Variants in MSANTD7 observed in about 807,000 individuals in gnomAD.
The protein encoded by MSANTD7 is zinc finger and SCAN domain containing 29.
the MSANTD7 span, chr10:14,846,950 T>C: frequency 1.0e-6 from 1 of 985,298 alleles, no homozygotes; most frequent in East Asian, 1.1e-4. Context: ...ACCTTTGTTT[T>C]TCTGTTCGGT....
chr10:14,845,596 T>C, the MSANTD7 span: 10 of 929,570 alleles, frequency 1.1e-5, no homozygotes, highest in Non-Finnish European at 1.2e-5. Context: ...TCTATTATTA[T>C]TATTTTTTTT....
chr10:14,846,155 T>G, the MSANTD7 span: 1 of 984,918 alleles, frequency 1.0e-6, no homozygotes, highest in Non-Finnish European at 1.2e-6. Context: ...TTTAAGGCAT[T>G]GAAATGGATA....
the MSANTD7 span, chr10:14,843,961 A>G: frequency 6.6e-7 from 1 of 1,514,878 alleles, no homozygotes; most frequent in Non-Finnish European, 8.8e-7. Context: ...TGCCTTCTGA[A>G]TCCCTGGCTC....
the MSANTD7 span, chr10:14,839,959 G>T: frequency 6.2e-7 from 1 of 1,612,026 alleles, no homozygotes. Context: ...TACTCCAGCT[G>T]TTGTTGCTTA....
At chr10:14,843,000 AG>A in the MSANTD7 span, among the ~76,000 whole-genome samples, 79 of 152,328 alleles carry the variant, frequency 5.2e-4, no homozygotes, top group African/African-American at 1.9e-3. This position sits in a 1 kb window ranked among gnomAD's most constrained non-coding sequence, Gnocchi z 5.2. Context: ...AGTAAGCTAA[AG>A]GGTTCCAGGT....
At chr10:14,844,015 T>C in the MSANTD7 span, 1 of 1,452,878 alleles carries the variant, frequency 6.9e-7, no homozygotes, top group Non-Finnish European at 9.0e-7. Flanking sequence ...ACCATTTATA[T>C]CCAGATAGTA....
the MSANTD7 span, chr10:14,840,145 TC>T: frequency 6.9e-7 from 1 of 1,446,798 alleles, no homozygotes. Context: ...GTAAAGCAGA[TC>T]CTGGGCAGAA....
chr10:14,840,410 AT>A, the MSANTD7 span, among the ~76,000 whole-genome samples: 11 of 152,228 alleles, frequency 7.2e-5, no homozygotes, highest in Admixed American at 2.0e-4. Context: ...AGAGGTGGTA[AT>A]TTGGATTGTT....
chr10:14,841,486 TC>T, the MSANTD7 span, among the ~76,000 whole-genome samples: 1 of 152,078 alleles, frequency 6.6e-6, no homozygotes, highest in Non-Finnish European at 1.5e-5. Flanking sequence ...TCACCACCTC[TC>T]CCCGTGGTTA....
At chr10:14,846,301 T>C in the MSANTD7 span, 1 of 985,372 alleles carries the variant, frequency 1.0e-6, no homozygotes, top group Non-Finnish European at 1.2e-6. Context: ...ATTCTATAAA[T>C]CTATTAATGG....
At chr10:14,844,679 C>A in the MSANTD7 span, 3 of 972,212 alleles carry the variant, frequency 3.1e-6, no homozygotes, top group Non-Finnish European at 3.7e-6. Context: ...CGGTTTATAT[C>A]GATAATCTTC....
the MSANTD7 span, chr10:14,843,395 A>T: frequency 6.4e-7 from 1 of 1,550,862 alleles, no homozygotes; most frequent in Non-Finnish European, 8.7e-7. Flanking sequence ...ACCCCCAGCT[A>T]CAGCAGCTCC....
chr10:14,841,907 G>A, the MSANTD7 span, among the ~76,000 whole-genome samples: 1 of 152,158 alleles, frequency 6.6e-6, no homozygotes, highest in Non-Finnish European at 1.5e-5. Context: ...GATTTTTACA[G>A]ATCCATTGTT....
chr10:14,842,569 G>A, the MSANTD7 span: 595 of 1,535,984 alleles, frequency 3.9e-4, 1 homozygote, highest in Middle Eastern at 1.5e-3. The surrounding 1 kb of genome is among the most constrained non-coding windows in gnomAD (Gnocchi z 5.2). Flanking sequence ...TTTATGATAC[G>A]TTGGATCAGC....
At chr10:14,842,211 C>A in the MSANTD7 span, 1 of 1,535,370 alleles carries the variant, frequency 6.5e-7, no homozygotes, top group Non-Finnish European at 8.7e-7. The surrounding 1 kb of genome is among the most constrained non-coding windows in gnomAD (Gnocchi z 5.2). Context: ...CCTGAGAGCA[C>A]ACAGAGCTTC....
the MSANTD7 span, chr10:14,842,149 T>C: frequency 6.5e-7 from 1 of 1,534,568 alleles, no homozygotes; most frequent in Non-Finnish European, 8.7e-7. The surrounding 1 kb of genome is among the most constrained non-coding windows in gnomAD (Gnocchi z 5.2). Flanking sequence ...AATGCGGTCC[T>C]TGGACCTGGC....
chr10:14,839,571 CAAAAA>C, the MSANTD7 span, among the ~76,000 whole-genome samples: 1 of 79,748 alleles, frequency 1.3e-5, no homozygotes. Flanking sequence ...ACTCCGTGTC[CAAAAA>C]AAAAAAAAAA....
At chr10:14,838,329 GGGC>G in the MSANTD7 span, 1 of 1,441,530 alleles carries the variant, frequency 6.9e-7, no homozygotes, top group Non-Finnish European at 9.5e-7. Context: ...GTGCCTGATG[GGGC>G]CGTTGGGCGG....
chr10:14,838,586 G>A, the MSANTD7 span: 1 of 913,854 alleles, frequency 1.1e-6, no homozygotes, highest in Non-Finnish European at 1.6e-6. Flanking sequence ...GTTGCCGCGA[G>A]GACACTCCGG....
Sources: allele counts gnomAD v4.1 joint callset (sites outside exome capture counted in the v4.1 genomes callset), GRCh38; gene constraint gnomAD v4.1.1; non-coding constraint Gnocchi (gnomAD v3.1); transcripts MANE v1.5; gene names NCBI Gene and HGNC (gene_info 2026-07-23, HGNC 2026-07-21).